UNC45B: variants seen among roughly 807,000 people sequenced by gnomAD.
UNC45B encodes the protein protein unc-45 homolog B.
Under a neutral mutation model 98.7 loss-of-function variants are expected in UNC45B, and 78 were observed. The ratio of observed to expected loss-of-function variants is 0.79; its 90% confidence interval spans 0.66 to 0.95. The LOEUF is 0.95. Among genes scored for constraint, UNC45B ranks in the 40% least tolerant of loss-of-function variants. UNC45B has a pLI of 0.00. For missense variants in UNC45B, 1,225 were observed against 1,184.9 expected (o/e 1.03, Z -0.50); for synonymous variants, 462 against 480.4 (o/e 0.96, Z 0.50).
chr17:35,176,925 C>T (rs1309828370), intron 15 of UNC45B, 92 bp from the exon 16 acceptor site: 4 of 970,200 alleles, frequency 4.1e-6, no homozygotes, highest in Admixed American at 2.1e-5. Context: ...CTGGACCTCC[C>T]ATGGGACAGA....
Position 35,170,599 on chromosome 17 carries a change from G to A in UNC45B, c.1689+344G>A, listed in dbSNP as rs115200254. Among the ~76,000 whole-genome samples, 604 of 151,602 alleles carry A rather than the reference G, an allele frequency of 4.0e-3. 5 individuals are homozygous for A. Among genetic ancestry groups the A allele is most frequent in the African/African-American group, 0.014 (562 of 41,272 alleles). Reference sequence around the variant, plus strand: ...GCCTGTAATTCCAGCACTTCAGGAGGCTGAGGCGGGCGGATGGCTTGAGCT... The same window carrying A: ...GCCTGTAATTCCAGCACTTCAGGAGACTGAGGCGGGCGGATGGCTTGAGCT... On this transcript the variant is annotated intron_variant, in intron 12 of 19. Transcript: ENST00000394570.
chr17:35,157,817 A>T (rs1000241827), intron 7 of UNC45B, among the ~76,000 whole-genome samples: 1 of 151,932 alleles, frequency 6.6e-6, no homozygotes, highest in Non-Finnish European at 1.5e-5. Context: ...TTGTCTTTGG[A>T]TGGTTTGTTC....
Position 35,171,448 on chromosome 17 carries a change from G to T in UNC45B, c.1816G>T (p.Glu606Ter). Residue 606 changes from glutamate to a stop codon, truncating the protein, a stop_gained, in exon 13 of 20, where the codon GAG (glutamate) becomes TAG (stop). Transcript: ENST00000394570. LOFTEE classifies it high-confidence loss of function. Reference protein sequence around the residue: ...LAKFSKQHVPEEHPKDKKDFI... With the variant: ...LAKFSKQHVP ...CAAGTTCTCCAAGCAGCATGTGCCC[G>T]AGGAACACCCCAAGGTAGGGTCAGG... The T allele has an allele frequency of 6.2e-7, 1 of 1,614,088 alleles. No homozygotes were observed. The highest frequency in any genetic ancestry group is 8.5e-7 in the Non-Finnish European group (1 of 1,179,976).
chr17:35,181,451 G>A (rs769124538), intron 18 of UNC45B, among the ~76,000 whole-genome samples: 3 of 152,124 alleles, frequency 2.0e-5, no homozygotes, highest in Non-Finnish European at 2.9e-5. Flanking sequence ...CTCAACACCT[G>A]AACCTTAGAC....
intron 19 of UNC45B, among the ~76,000 whole-genome samples, chr17:35,184,587 T>G (rs940013677): frequency 7.2e-5 from 11 of 152,162 alleles, no homozygotes; most frequent in South Asian, 2.1e-4. Context: ...TTTACATTTA[T>G]TAAGTCATTT....
At chr17:35,148,520 C>G in intron 2 of UNC45B, 89 bp downstream of exon 2, 1 of 1,457,452 alleles carries the variant, frequency 6.9e-7, no homozygotes, top group Non-Finnish European at 9.2e-7. Context: ...AGAAATTGCC[C>G]TTCATCCCAG....
chr17:35,155,367 G>A lies in UNC45B; in HGVS notation c.711G>A (p.Met237Ile), dbSNP rs760499588. 1 of 1,614,238 alleles carries A rather than the reference G, an allele frequency of 6.2e-7. No individual in the cohort carries two copies. Among genetic ancestry groups the A allele is most frequent in the South Asian group, 1.1e-5 (1 of 91,090 alleles). ...CSLMAVENEE[M>I]SLAVCNLLQA... ...TCATGGCCGTGGAGAATGAGGAGAT[G>A]TCTCTGGCTGTCTGCAACCTGCTCC... Residue 237 changes from methionine (M) to isoleucine (I), a missense_variant, in exon 7 of 20, where the codon ATG becomes ATA. Physicochemically the swap from Met to Ile is conservative, Grantham distance 10 (BLOSUM62 1). Transcript: ENST00000394570.
chr17:35,172,272 C>G (rs932705346), intron 13 of UNC45B, among the ~76,000 whole-genome samples: 1 of 151,992 alleles, frequency 6.6e-6, no homozygotes, highest in Non-Finnish European at 1.5e-5. Context: ...TTTTTTGAGA[C>G]AGAGTCTTGC....
intron 18 of UNC45B, among the ~76,000 whole-genome samples, chr17:35,181,790 CAAAAA>C (rs34090979): frequency 8.6e-6 from 1 of 115,844 alleles, no homozygotes; most frequent in Non-Finnish European, 1.7e-5. Flanking sequence ...GACTGCATCT[CAAAAA>C]AAAAAAAAAA....
chr17:35,148,852 G>A (rs905996523), intron 2 of UNC45B, 121 bp from the exon 3 acceptor site: 191 of 1,197,448 alleles, frequency 1.6e-4, no homozygotes, highest in Non-Finnish European at 2.1e-4. Flanking sequence ...GCATGCCCTG[G>A]GCCTCTGACA....
rs144723801 is a variant in UNC45B at position 35,150,066 on chromosome 17, C to T, written c.224C>T (p.Ser75Leu). 1.7e-5 allele frequency: 28 copies of T among 1,608,018 alleles called. No homozygotes were observed. Among genetic ancestry groups the T allele is most frequent in the African/African-American group, 4.0e-5 (3 of 74,746 alleles). The change falls in exon 4 of 20, where the codon TCG (serine) becomes TTG (leucine). Residue 75 changes from serine (S) to leucine (L), a missense_variant. By Grantham distance (145) the Ser-to-Leu change is moderately radical. Coordinates refer to ENST00000394570, the MANE Select transcript of UNC45B (RefSeq NM_001267052.2). ...DASRAIDINS[S>L]DIKALYRRCQ... ...TCGATAGCCATCGACATCAACTCCT[C>T]GGACATCAAGGCTCTGTATCGGCGA...
chr17:35,155,212 A>G lies in UNC45B; in HGVS notation c.640-84A>G, dbSNP rs116415275. On this transcript the variant is annotated intron_variant, in intron 6 of 19. Transcript: ENST00000394570. ...CTCTACTGCATGGGATAGGGTGGGG[A>G]GGATTATCACACCCTCTCTAACCTG... 1.0e-3 allele frequency: 1,550 copies of G among 1,508,912 alleles called. 17 individuals carry two copies. The African/African-American group carries it at 0.019, about 18-fold the overall frequency. 93.5% of individuals were successfully genotyped at this position (1,508,912 alleles called of 1,614,324 possible).
intron 8 of UNC45B, among the ~76,000 whole-genome samples, chr17:35,161,481 C>T (rs947409884): frequency 1.3e-5 from 2 of 151,864 alleles, no homozygotes; most frequent in East Asian, 1.9e-4. Flanking sequence ...AAGGGGAGAC[C>T]GGGAGATGAG....
intron 18 of UNC45B, among the ~76,000 whole-genome samples, chr17:35,181,187 A>G (rs1016727069): frequency 5.3e-5 from 8 of 152,238 alleles, no homozygotes; most frequent in Non-Finnish European, 1.2e-4. Context: ...CAGAATAATT[A>G]CAGGGTTTAT....
chr17:35,154,127 G>A (rs1025691015), intron 5 of UNC45B, among the ~76,000 whole-genome samples: 3 of 152,096 alleles, frequency 2.0e-5, no homozygotes, highest in African/African-American at 7.2e-5. Flanking sequence ...CACTTCCTGG[G>A]AACTTCAGAT....
chr17:35,179,870 G>A lies in UNC45B; in HGVS notation c.2256-689G>A, dbSNP rs138176228. On this transcript the variant is annotated intron_variant, in intron 17 of 19. Coordinates refer to ENST00000394570, the MANE Select transcript of UNC45B (RefSeq NM_001267052.2). Reference sequence around the variant, plus strand: ...GTATACCTATGTAACAAACCTGCACGTTGTGCACATGTACCCTAGAACTTA... The same window carrying A: ...GTATACCTATGTAACAAACCTGCACATTGTGCACATGTACCCTAGAACTTA... Among the ~76,000 whole-genome samples the A allele has an allele frequency of 4.7e-3, 707 of 151,544 alleles. 10 individuals carry two copies. The highest frequency in any genetic ancestry group is 0.016 in the African/African-American group (650 of 41,260).
At chr17:35,167,962 G>A (rs2092152451) in intron 9 of UNC45B, 99 bp from the exon 10 acceptor site, 2 of 1,204,700 alleles carry the variant, frequency 1.7e-6, no homozygotes, top group Non-Finnish European at 2.2e-6. Context: ...CATGAGTGGT[G>A]GAGCCAGGAT....
chr17:35,187,721 T>G lies in UNC45B; in HGVS notation c.*1162T>G, dbSNP rs1232944342. 1 of 152,216 alleles carries G rather than the reference T, an allele frequency of 6.6e-6. No individual in the cohort carries two copies. Among genetic ancestry groups the G allele is most frequent in the South Asian group, 2.1e-4 (1 of 4,834 alleles). The allele number at this position is 152,216 out of a possible 1,614,324, so 9.4% of individuals were successfully genotyped here. The stretch of plus-strand genomic sequence containing the variant: ...TGTACCCTGGGCAGATCAAAGAACA[T>G]ATTCTGTATGTCAGGCTTGGCCACA... On this transcript the variant is annotated 3_prime_UTR_variant, in exon 20 of 20. Transcript: ENST00000394570.
At chr17:35,173,571 C>T (rs1251575672) in intron 13 of UNC45B, among the ~76,000 whole-genome samples, 1 of 152,130 alleles carries the variant, frequency 6.6e-6, no homozygotes, top group African/African-American at 2.4e-5. Flanking sequence ...CTAGAGGCCA[C>T]CTACATGCTT....
Sources: gnomAD v4.1 joint callset for allele counts (sites outside exome capture counted in the v4.1 genomes callset) on GRCh38, gnomAD v4.1.1 for gene constraint, MANE v1.5 for transcripts, NCBI Gene and HGNC (gene_info 2026-07-23, HGNC 2026-07-21) for gene names.